Variants in TBCB observed in about 807,000 individuals in gnomAD.
TBCB encodes tubulin-folding cofactor B.
In TBCB, 18 loss-of-function variants were observed where a neutral mutation model predicts 29.2. The observed-to-expected ratio is 0.62, with a 90% confidence interval of 0.43 to 0.91. The LOEUF is 0.91. TBCB is among the 40% of genes least tolerant of loss of function. The probability of loss-of-function intolerance (pLI) is 0.00; values close to 1 mark genes in which losing one functional copy is unlikely to be tolerated. For synonymous variants in TBCB, 172 were observed against 137.8 expected, an observed-to-expected ratio of 1.25 and a Z score of -1.74; for missense variants, 336 against 337.6, an observed-to-expected ratio of 1.00 and a Z score of 0.04.
At chr19:36,116,366 TG>T in intron 2 of TBCB, 182 bp downstream of exon 2, 1 of 760,076 alleles carries the variant, frequency 1.3e-6, no homozygotes, top group Non-Finnish European at 1.9e-6. Context: ...TGGTCTGGGC[TG>T]GGATCAGGAA....
rs769955794 is a variant in TBCB at position 36,116,198 on chromosome 19, A to G, written c.258+14A>G. On this transcript the variant is annotated intron_variant, in intron 2 of 5. Coordinates refer to ENST00000221855, the MANE Select transcript of TBCB (RefSeq NM_001281.3). ...TGCCGCATCCACGTGAGGACTCTCT[A>G]TCTGGGACACTCCCCCACCCCACCT... The G allele has an allele frequency of 3.1e-6, 5 of 1,611,922 alleles. No individual in the cohort carries two copies. Among genetic ancestry groups the G allele is most frequent in the Non-Finnish European group, 4.2e-6 (5 of 1,178,342 alleles).
intron 2 of TBCB, among the ~76,000 whole-genome samples, chr19:36,117,167 T>A (rs1448020222): frequency 6.6e-6 from 1 of 152,186 alleles, no homozygotes; most frequent in Non-Finnish European, 1.5e-5. Flanking sequence ...TAGATTTTTG[T>A]GTTTACAAGT....
At chr19:36,114,993 C>A (rs1019163884), upstream of TBCB, 1 of 825,122 alleles carries the variant, frequency 1.2e-6, no homozygotes, top group African/African-American at 1.7e-5. This position sits in a 1 kb window ranked among gnomAD's most constrained non-coding sequence, Gnocchi z 4.5. Flanking sequence ...CCCGCCGCCT[C>A]GGGCTCGGCT....
chr19:36,121,441 C>T (rs1046495415), intron 3 of TBCB, 86 bp from the exon 4 acceptor site: 14 of 1,431,800 alleles, frequency 9.8e-6, no homozygotes, highest in South Asian at 1.4e-5. Flanking sequence ...AGAGTTCCTC[C>T]GTGAACGTGG....
intron 2 of TBCB, 106 bp from the exon 3 acceptor site, chr19:36,120,604 G>C: frequency 1.1e-6 from 1 of 895,886 alleles, no homozygotes; most frequent in Non-Finnish European, 1.8e-6. Flanking sequence ...ACAGGCGAGG[G>C]AGGGAGATGC....
At chr19:36,117,135 T>G (rs1199053374) in intron 2 of TBCB, among the ~76,000 whole-genome samples, 2 of 152,204 alleles carry the variant, frequency 1.3e-5, no homozygotes, top group South Asian at 2.1e-4. Context: ...ACCTCATTCC[T>G]TTCCCCTTCT....
chr19:36,116,057 TG>T lies in TBCB; in HGVS notation c.133del (p.Val45TrpfsTer35). ...TCCTCACAGTGTAAACTGGAGTTGCTGGTGGGCAGCCCTGCTTCCTGCATGG... is the reference window on the plus strand; with the variant it reads ...TCCTCACAGTGTAAACTGGAGTTGCTGTGGGCAGCCCTGCTTCCTGCATGG... ...IAEFKCKLEL[L>X]VGSPASCMEL... On this transcript the variant is annotated frameshift_variant, in exon 2 of 6. Transcript: ENST00000221855. LOFTEE classifies it high-confidence loss of function. 2 of 1,614,122 alleles carry T rather than the reference TG, an allele frequency of 1.2e-6. No individual in the cohort carries two copies.
chr19:36,121,025 C>T lies in TBCB; in HGVS notation c.355+219C>T, dbSNP rs903833708. On this transcript the variant is annotated intron_variant, in intron 3 of 5. Coordinates refer to ENST00000221855, the MANE Select transcript of TBCB (RefSeq NM_001281.3). ...GGTGTCAGGGGTATGGGCAGTCAGA[C>T]GTGGTCGGGGGAGGGCTGGGAAAGT... Among the ~76,000 whole-genome samples the T allele has an allele frequency of 1.3e-4, 15 of 112,270 alleles. No individual in the cohort carries two copies. In the Admixed American group the frequency reaches 1.4e-3, roughly 10 times the overall value. The allele number at this position is 112,270 out of a possible 152,430, so 73.7% of individuals were successfully genotyped here.
upstream of TBCB, chr19:36,114,983 C>T (rs540259579): frequency 3.2e-6 from 3 of 938,414 alleles, no homozygotes; most frequent in South Asian, 1.5e-5. This position sits in a 1 kb window ranked among gnomAD's most constrained non-coding sequence, Gnocchi z 4.5. Flanking sequence ...GTGCTGGCTC[C>T]CCGCCGCCTC....
chr19:36,121,947 G>A (rs1262557352), intron 4 of TBCB: 31 of 623,916 alleles, frequency 5.0e-5, no homozygotes, highest in Non-Finnish European at 8.0e-5. Flanking sequence ...TGTCCAGCGA[G>A]GGAGGAAGCA....
chr19:36,116,080 A>G lies in TBCB; in HGVS notation c.154A>G (p.Met52Val), dbSNP rs1973947812. Residue 52 changes from methionine to valine, a missense_variant, in exon 2 of 6, where the codon ATG (methionine) becomes GTG (valine). Coordinates refer to ENST00000221855, the MANE Select transcript of TBCB (RefSeq NM_001281.3). Reference protein sequence around the residue: ...ELLVGSPASCMELELYGVDDK... With the variant: ...ELLVGSPASCVELELYGVDDK... ...GCTGGTGGGCAGCCCTGCTTCCTGC[A>G]TGGAACTGGAGCTGTATGGAGTTGA... The G allele has an allele frequency of 2.5e-6, 4 of 1,614,192 alleles. No individual in the cohort carries two copies. Among genetic ancestry groups the G allele is most frequent in the Non-Finnish European group, 3.4e-6 (4 of 1,180,026 alleles).
chr19:36,115,858 G>A, intron 1 of TBCB, 183 bp from the exon 2 acceptor site: 2 of 1,093,066 alleles, frequency 1.8e-6, no homozygotes, highest in Non-Finnish European at 2.6e-6. Context: ...CAGAGATGAG[G>A]GCCGGGTCCA....
chr19:36,116,313 C>T, intron 2 of TBCB, 129 bp downstream of exon 2: 4 of 1,254,662 alleles, frequency 3.2e-6, no homozygotes, highest in Non-Finnish European at 4.4e-6. Context: ...CCAGTGCAGC[C>T]TGACGAGAGA....
chr19:36,122,107 A>T, intron 4 of TBCB: 1 of 296,388 alleles, frequency 3.4e-6, no homozygotes, highest in Non-Finnish European at 6.5e-6. Context: ...GAGCATCTGA[A>T]GGAAAGGAGG....
chr19:36,120,710 G>A lies in TBCB; in HGVS notation c.259G>A (p.Val87Ile). 1 of 1,614,040 alleles carries A rather than the reference G, an allele frequency of 6.2e-7. No individual in the cohort carries two copies. Among genetic ancestry groups the A allele is most frequent in the Non-Finnish European group, 8.5e-7 (1 of 1,179,996 alleles). ...YPVDDGCRIH[V>I]IDHSGARLGE... is the part of the protein sequence containing the mutation. Reference sequence around the variant, plus strand: ...CCACGGAGCCCCTCCCCTCACACAGGTCATTGACCACAGTGGCGCCCGCCT... The same window carrying A: ...CCACGGAGCCCCTCCCCTCACACAGATCATTGACCACAGTGGCGCCCGCCT... The change falls in exon 3 of 6, where the codon GTC (valine) becomes ATC (isoleucine). Residue 87 changes from valine (V) to isoleucine (I), a missense_variant and splice_region_variant. By Grantham distance (29) the Val-to-Ile change is conservative. Transcript: ENST00000221855.
intron 4 of TBCB, among the ~76,000 whole-genome samples, chr19:36,124,832 C>T (rs776845091): frequency 3.9e-5 from 6 of 152,140 alleles, no homozygotes; most frequent in Non-Finnish European, 8.8e-5. Flanking sequence ...CGTGAGCCAC[C>T]GCACCCGGCC....
At chr19:36,115,170 C>A, upstream of TBCB, 3 of 556,774 alleles carry the variant, frequency 5.4e-6, no homozygotes, top group Non-Finnish European at 9.5e-6. Flanking sequence ...GCATCCAGGA[C>A]AGAAGCCAAG....
At chr19:36,119,244 G>T (rs2145907391) in intron 2 of TBCB, among the ~76,000 whole-genome samples, 1 of 152,228 alleles carries the variant, frequency 6.6e-6, no homozygotes. Flanking sequence ...CTTCAAATTT[G>T]TGAAAATTCT....
intron 2 of TBCB, among the ~76,000 whole-genome samples, chr19:36,120,311 A>G (rs921820950): frequency 1.3e-5 from 2 of 152,186 alleles, no homozygotes; most frequent in African/African-American, 4.8e-5. Flanking sequence ...GGGGCAGAAC[A>G]GGAAGAGATG....
Sources: gnomAD v4.1 joint callset for allele counts (sites outside exome capture counted in the v4.1 genomes callset) on GRCh38, gnomAD v4.1.1 for gene constraint, Gnocchi (gnomAD v3.1) non-coding constraint, MANE v1.5 for transcripts, NCBI Gene and HGNC (gene_info 2026-07-23, HGNC 2026-07-21) for gene names.